Variants in USP38 observed in about 807,000 individuals in gnomAD.
USP38 encodes the protein ubiquitin specific peptidase 38, also known as ubiquitin carboxyl-terminal hydrolase 38.
In USP38, 49 loss-of-function variants were observed where a neutral mutation model predicts 94.3. The ratio of observed to expected loss-of-function variants is 0.52; its 90% CI spans 0.41 to 0.66. The LOEUF is 0.66. USP38 is among the 30% of genes least tolerant of loss of function. The pLI, the probability that USP38 is intolerant of heterozygous loss-of-function variation, is 0.00. For missense variants in USP38, 1,128 were observed against 1,229.4 expected, an observed-to-expected ratio of 0.92 and a Z score of 1.23; for synonymous variants, 468 against 463.6, an observed-to-expected ratio of 1.01 and a Z score of -0.12.
intron 8 of USP38, 80 bp from the exon 9 acceptor site, chr4:143,213,501 T>C (rs773961699): frequency 3.7e-6 from 5 of 1,349,588 alleles, no homozygotes; most frequent in Non-Finnish European, 4.9e-6. Context: ...GAATAGTTTA[T>C]AGAAGCCACT....
rs971420868 is a variant in USP38, at chr4:143,221,750, T to C, written c.*1294T>C. The C allele has an allele frequency of 2.2e-4, 33 of 152,086 alleles. No homozygotes were observed. The highest frequency in any genetic ancestry group is 7.7e-4 in the African/African-American group (32 of 41,434). 9.4% of individuals were successfully genotyped at this position (152,086 alleles called of 1,614,324 possible). Reference sequence around the variant, plus strand: ...TGCATTGTTCTGAAGATTGGTCTCATATTTATTTTGAAAACACTTTAAGGA... The same window carrying C: ...TGCATTGTTCTGAAGATTGGTCTCACATTTATTTTGAAAACACTTTAAGGA... On this transcript the variant is annotated 3_prime_UTR_variant, in exon 10 of 10. Coordinates refer to ENST00000307017, the MANE Select transcript of USP38 (RefSeq NM_032557.6).
In USP38 at chr4:143,198,106, G is replaced by A. The variant is rs924836005; in HGVS notation, c.1050+182G>A. ...ATTTCCCTCCTAGGAATATATTTTCGTGTCTCATTCAAACTACTCCACTTG... is the reference window on the plus strand; with the variant it reads ...ATTTCCCTCCTAGGAATATATTTTCATGTCTCATTCAAACTACTCCACTTG... On this transcript the variant is annotated intron_variant, in intron 4 of 9. Transcript: ENST00000307017. 1.2e-4 allele frequency among the ~76,000 whole-genome samples: 18 copies of A among 152,022 alleles called. 1 individual carries two copies. Among genetic ancestry groups the A allele is most frequent in the South Asian group, 4.1e-4 (2 of 4,828 alleles).
Position 143,212,336 on chromosome 4 carries a change from C to T in USP38, c.1516C>T (p.Arg506Trp), listed in dbSNP as rs745380082. The T allele has an allele frequency of 6.8e-6, 11 of 1,610,958 alleles. No homozygotes were observed. Among genetic ancestry groups the T allele is most frequent in the African/African-American group, 4.0e-5 (3 of 74,672 alleles). ...AHTQREAYAP[R>W]IFFEASRPPW... ...TCAAAAGAGGGAAGCATACGCACCT[C>T]GGATATTCTTTGAGGCTTCCAGACC... The change falls in exon 8 of 10, where the codon CGG (arginine) becomes TGG (tryptophan). Residue 506 changes from arginine to tryptophan, a missense_variant. Arg to Trp is a moderately radical substitution (Grantham distance 101, BLOSUM62 -3). Transcript: ENST00000307017.
At chr4:143,197,140 T>C (rs1731576018) in intron 3 of USP38, among the ~76,000 whole-genome samples, 1 of 152,334 alleles carries the variant, frequency 6.6e-6, no homozygotes, top group South Asian at 2.1e-4. Flanking sequence ...TGCCCTTTTT[T>C]CTTCATCTGT....
rs754872442 is a variant in USP38, at chr4:143,214,393, G to A, written c.2417G>A (p.Ser806Asn). Residue 806 changes from serine to asparagine, a missense_variant, in exon 9 of 10, where the codon AGT (serine) becomes AAT (asparagine). Ser to Asn is a conservative substitution (Grantham distance 46). Coordinates refer to ENST00000307017, the MANE Select transcript of USP38 (RefSeq NM_032557.6). ...RITSFSSLSE[S>N]WSVDVDFTDL... ...ACTTCTTTCTCTTCATTGTCAGAAA[G>A]TTGGTCTGTAGATGTTGACTTCACT... 4 of 1,613,664 alleles carry A rather than the reference G, an allele frequency of 2.5e-6. No homozygotes were observed. Among genetic ancestry groups the A allele is most frequent in the Non-Finnish European group, 3.4e-6 (4 of 1,179,850 alleles).
intron 4 of USP38, 61 bp downstream of exon 4, chr4:143,197,985 A>G (rs1731600614): frequency 1.7e-6 from 2 of 1,193,216 alleles, no homozygotes; most frequent in African/African-American, 1.5e-5. Context: ...TTAGTTTAAT[A>G]TTGAGTCACA....
At position 143,197,982 on chromosome 4, in the gene USP38, A is replaced by C. The variant is rs145787864; in HGVS notation, c.1050+58A>C. On this transcript the variant is annotated intron_variant, in intron 4 of 9. Transcript: ENST00000307017. The stretch of plus-strand genomic sequence containing the variant: ...AAGCCTCAATTTGAAAATTTAGTTT[A>C]ATATTGAGTCACATTTTTATGTAGT... The C allele has an allele frequency of 5.6e-6, 7 of 1,242,856 alleles. No homozygotes were observed. In the African/African-American group the frequency reaches 9.1e-5, roughly 16 times the overall value. 77.0% of individuals were successfully genotyped at this position (1,242,856 alleles called of 1,614,324 possible).
intron 6 of USP38, among the ~76,000 whole-genome samples, chr4:143,208,646 T>C (rs1327609356): frequency 6.6e-6 from 1 of 152,118 alleles, no homozygotes; most frequent in African/African-American, 2.4e-5. Flanking sequence ...TCTTTGTACA[T>C]CTTTTTGTTG....
chr4:143,206,981 T>C (rs532228982), intron 6 of USP38, among the ~76,000 whole-genome samples: 2 of 152,240 alleles, frequency 1.3e-5, no homozygotes, highest in Admixed American at 6.5e-5. Context: ...TAAACAGACA[T>C]GTTCCTTTCC....
At chr4:143,215,912 ATTTG>A (rs1279916877) in intron 9 of USP38, among the ~76,000 whole-genome samples, 7 of 152,150 alleles carry the variant, frequency 4.6e-5, no homozygotes, top group African/African-American at 1.2e-4. Context: ...AAATCAGAAT[ATTTG>A]TTTGAACTGA....
At position 143,185,441 on chromosome 4, in the gene USP38, C is replaced by T; in HGVS notation, c.-10C>T. ...TTATCCCCTGGCCCTGGCCTTGCAGCGTGGCGACAATGGACAAGATCCTGG... is the reference window on the plus strand; with the variant it reads ...TTATCCCCTGGCCCTGGCCTTGCAGTGTGGCGACAATGGACAAGATCCTGG... On this transcript the variant is annotated 5_prime_UTR_variant, in exon 1 of 10. Transcript: ENST00000307017. 2 of 1,568,494 alleles carry T rather than the reference C, an allele frequency of 1.3e-6. No individual in the cohort carries two copies. Among genetic ancestry groups the T allele is most frequent in the Non-Finnish European group, 1.7e-6 (2 of 1,153,964 alleles).
rs1411930925 is a variant in USP38, at chr4:143,185,987, GTGCGTGTCCACCCAGGAA to G, written c.538_555del (p.Cys180_Glu185del). On this transcript the variant is annotated inframe_deletion, in exon 1 of 10. Transcript: ENST00000307017. ...TGGTTCGAACGATAGGCCATTTCCA[GTGCGTGTCCACCCAGGAA>G]AGAGAGCTGCGGGAATATGTCTCCC... The G allele has an allele frequency of 6.2e-7, 1 of 1,614,164 alleles. No individual in the cohort carries two copies. The highest frequency in any genetic ancestry group is 2.2e-5 in the East Asian group (1 of 44,874).
intron 2 of USP38, among the ~76,000 whole-genome samples, chr4:143,192,569 T>TTTTTTTA (rs1731427319): frequency 6.7e-6 from 1 of 149,614 alleles, no homozygotes; most frequent in African/African-American, 2.5e-5. Flanking sequence ...TTTTTTTTTT[T>TTTTTTTA]TTCATTAAAT....
chr4:143,194,057 C>G (rs948215492), intron 2 of USP38, among the ~76,000 whole-genome samples: 1 of 152,148 alleles, frequency 6.6e-6, no homozygotes, highest in African/African-American at 2.4e-5. Flanking sequence ...CTGCTGCACT[C>G]CGGTCTGGGT....
intron 3 of USP38, among the ~76,000 whole-genome samples, chr4:143,196,294 A>G (rs1480456827): frequency 1.3e-5 from 2 of 152,248 alleles, no homozygotes; most frequent in Admixed American, 6.5e-5. Flanking sequence ...TGACAGAGCA[A>G]GACTGCGTCT....
rs552194383 is a variant in USP38 at position 143,217,976 on chromosome 4, T to G, written c.2968-2319T>G. Among the ~76,000 whole-genome samples the G allele has an allele frequency of 2.2e-4, 34 of 152,244 alleles. 1 individual carries two copies. Among genetic ancestry groups the G allele is most frequent in the South Asian group, 8.3e-4 (4 of 4,826 alleles). ...GGAGTATCTCCATTGTTTTAATGTCTGGAATATAAAAACTAAGCCTTTGGT... is the reference window on the plus strand; with the variant it reads ...GGAGTATCTCCATTGTTTTAATGTCGGGAATATAAAAACTAAGCCTTTGGT... On this transcript the variant is annotated intron_variant, in intron 9 of 9. Coordinates refer to ENST00000307017, the MANE Select transcript of USP38 (RefSeq NM_032557.6).
intron 9 of USP38, 32 bp downstream of exon 9, chr4:143,214,975 AAATATT>A: frequency 6.3e-7 from 1 of 1,587,854 alleles, no homozygotes; most frequent in Non-Finnish European, 8.6e-7. Context: ...TATTTGTTGA[AAATATT>A]AAACAATTGA....
intron 9 of USP38, among the ~76,000 whole-genome samples, chr4:143,219,998 C>A (rs1370691589): frequency 6.6e-6 from 1 of 152,088 alleles, no homozygotes; most frequent in Non-Finnish European, 1.5e-5. Context: ...TAACTGTAAT[C>A]ACCCACTTCC....
intron 2 of USP38, among the ~76,000 whole-genome samples, chr4:143,190,711 T>G (rs1355682982): frequency 6.6e-6 from 1 of 152,122 alleles, no homozygotes; most frequent in Non-Finnish European, 1.5e-5. Flanking sequence ...GCTTATTCTA[T>G]CCCCACTACC....
Sources: gnomAD v4.1 joint callset for allele counts (sites outside exome capture counted in the v4.1 genomes callset) on GRCh38, gnomAD v4.1.1 for gene constraint, MANE v1.5 for transcripts, NCBI Gene and HGNC (gene_info 2026-07-23, HGNC 2026-07-21) for gene names.